Variants in SEPTIN14 observed in about 807,000 individuals in gnomAD.
SEPTIN14 encodes the protein septin-14.
In SEPTIN14, 40 loss-of-function variants were observed where a neutral mutation model predicts 53.6. That is an observed-to-expected ratio of 0.75 (90% CI 0.58 to 0.97). SEPTIN14 has a LOEUF of 0.97. Ranked by LOEUF, SEPTIN14 falls within the 50% of genes least tolerant of loss-of-function variation. The pLI, the probability that SEPTIN14 is intolerant of heterozygous loss-of-function variation, is 0.00. For missense variants in SEPTIN14, 471 were observed against 508.2 expected (o/e 0.93, Z 0.70); for synonymous variants, 138 against 166.8 (o/e 0.83, Z 1.33).
chr7:55,834,787 C>A (rs961850284), intron 5 of SEPTIN14, among the ~76,000 whole-genome samples: 1 of 152,154 alleles, frequency 6.6e-6, no homozygotes, highest in African/African-American at 2.4e-5. Context: ...GGACCACAGG[C>A]ACCCGCCACC....
At chr7:55,836,461 G>A (rs906370346) in intron 5 of SEPTIN14, among the ~76,000 whole-genome samples, 4 of 152,182 alleles carry the variant, frequency 2.6e-5, no homozygotes, top group South Asian at 4.2e-4. Flanking sequence ...TGGACAGACC[G>A]GGCGCAGTGG....
At chr7:55,853,668 T>C (rs1789556717) in intron 2 of SEPTIN14, among the ~76,000 whole-genome samples, 1 of 152,080 alleles carries the variant, frequency 6.6e-6, no homozygotes, top group Non-Finnish European at 1.5e-5. Context: ...GAATGAAGAG[T>C]ACAATTGAAA....
chr7:55,829,439 A>G (rs922302994), intron 6 of SEPTIN14, among the ~76,000 whole-genome samples: 4 of 151,076 alleles, frequency 2.6e-5, no homozygotes, highest in Non-Finnish European at 5.9e-5. Flanking sequence ...TAGATTAACC[A>G]AGAAAAAAGA....
intron 7 of SEPTIN14, 64 bp from the exon 8 acceptor site, chr7:55,807,322 T>C: frequency 2.9e-6 from 3 of 1,024,874 alleles, no homozygotes; most frequent in Non-Finnish European, 4.3e-6. Flanking sequence ...CAGTAAGTGT[T>C]CATGAATGAA....
chr7:55,855,109 C>T (rs1162310496), intron 2 of SEPTIN14, among the ~76,000 whole-genome samples: 2 of 151,444 alleles, frequency 1.3e-5, no homozygotes, highest in East Asian at 2.0e-4. Context: ...CCCAGGTTCA[C>T]GCTATTCTCC....
chr7:55,815,126 A>G (rs1788770881), intron 7 of SEPTIN14, among the ~76,000 whole-genome samples: 1 of 152,182 alleles, frequency 6.6e-6, no homozygotes, highest in Non-Finnish European at 1.5e-5. Flanking sequence ...ATCTCTCAAC[A>G]CATATAAAAA....
intron 2 of SEPTIN14, among the ~76,000 whole-genome samples, chr7:55,861,016 G>T (rs1020939366): frequency 1.3e-5 from 2 of 152,160 alleles, no homozygotes; most frequent in Non-Finnish European, 2.9e-5. Flanking sequence ...TTGCATATCA[G>T]CATTTGCATA....
At chr7:55,814,958 G>C (rs890505352) in intron 7 of SEPTIN14, among the ~76,000 whole-genome samples, 1 of 152,074 alleles carries the variant, frequency 6.6e-6, no homozygotes, top group Non-Finnish European at 1.5e-5. Context: ...AAGACCAATG[G>C]AACAGAATAG....
chr7:55,854,706 G>A (rs1366237028), intron 2 of SEPTIN14, among the ~76,000 whole-genome samples: 2 of 152,136 alleles, frequency 1.3e-5, no homozygotes. Context: ...GGGATTACAG[G>A]CGTGAGCTAC....
At chr7:55,827,360 G>C (rs1789007120) in intron 6 of SEPTIN14, among the ~76,000 whole-genome samples, 1 of 152,220 alleles carries the variant, frequency 6.6e-6, no homozygotes, top group African/African-American at 2.4e-5. Context: ...GGTTGCTCCT[G>C]TGAAGAGCCA....
chr7:55,843,307 C>T (rs1188957966), intron 4 of SEPTIN14, among the ~76,000 whole-genome samples, 179 bp from the exon 5 acceptor site: 1 of 152,160 alleles, frequency 6.6e-6, no homozygotes, highest in Non-Finnish European at 1.5e-5. Flanking sequence ...TCATGCTTTA[C>T]TCTATGGTTA....
intron 3 of SEPTIN14, among the ~76,000 whole-genome samples, chr7:55,845,786 AC>A (rs2116055784): frequency 6.6e-6 from 1 of 151,952 alleles, no homozygotes; most frequent in African/African-American, 2.4e-5. Flanking sequence ...GCGGTGGCTC[AC>A]GCCTGTAATC....
Position 55,854,460 on chromosome 7 carries a change from C to T in SEPTIN14, c.54+7483G>A, listed in dbSNP as rs564428937. Among the ~76,000 whole-genome samples the T allele has an allele frequency of 2.8e-3, 424 of 151,630 alleles. 5 individuals carry two copies. The highest frequency in any genetic ancestry group is 0.01 in the Middle Eastern group (3 of 286). On this transcript the variant is annotated intron_variant, in intron 2 of 9. Transcript: ENST00000388975. ...TCTTTTTTTTTTTGAGACGGAGTCT[C>T]GCTCTGTCGCCCAGGTTGGAGTGCA...
At chr7:55,808,740 T>C (rs1482099044) in intron 7 of SEPTIN14, among the ~76,000 whole-genome samples, 1 of 151,976 alleles carries the variant, frequency 6.6e-6, no homozygotes, top group East Asian at 1.9e-4. Flanking sequence ...TTAGTAAAGA[T>C]GGAGTTTCAC....
At chr7:55,848,270 T>G (rs1584271434) in intron 2 of SEPTIN14, among the ~76,000 whole-genome samples, 1 of 152,158 alleles carries the variant, frequency 6.6e-6, no homozygotes, top group Non-Finnish European at 1.5e-5. Flanking sequence ...CCAGCAATTT[T>G]CCAGCCTCGG....
chr7:55,799,787 C>G (rs1056891183), intron 9 of SEPTIN14, among the ~76,000 whole-genome samples: 3 of 151,990 alleles, frequency 2.0e-5, no homozygotes, highest in Non-Finnish European at 2.9e-5. Flanking sequence ...AATATGAGAA[C>G]AGTAGGGGAC....
chr7:55,820,024 G>C (rs1788865298), intron 6 of SEPTIN14, among the ~76,000 whole-genome samples: 1 of 152,080 alleles, frequency 6.6e-6, no homozygotes, highest in Non-Finnish European at 1.5e-5. Context: ...TTTTGAGACA[G>C]AGCCTGGCTC....
intron 8 of SEPTIN14, among the ~76,000 whole-genome samples, chr7:55,806,634 T>G (rs1253471506): frequency 6.6e-6 from 1 of 151,946 alleles, no homozygotes; most frequent in Non-Finnish European, 1.5e-5. Flanking sequence ...GGCTACTTTT[T>G]GTATTTTTAG....
intron 6 of SEPTIN14, 32 bp downstream of exon 6, chr7:55,834,393 G>C: frequency 6.4e-7 from 1 of 1,550,670 alleles, no homozygotes; most frequent in Non-Finnish European, 8.7e-7. Flanking sequence ...CTCATTTCTA[G>C]CCTCTTTGTC....
Sources: allele counts gnomAD v4.1 joint callset (sites outside exome capture counted in the v4.1 genomes callset), GRCh38; gene constraint gnomAD v4.1.1; transcripts MANE v1.5; gene names NCBI Gene and HGNC (gene_info 2026-07-23, HGNC 2026-07-21).